The following MYO3A variants were observed in gnomAD, a reference collection of about 807,000 sequenced individuals.
MYO3A encodes myosin IIIA, also known as myosin-IIIa.
A neutral mutation model predicts 192.7 loss-of-function variants in MYO3A; 180 were observed. That is an observed-to-expected ratio of 0.93 (90% CI 0.83 to 1.06). The LOEUF is 1.06. MYO3A is among the 50% of genes least tolerant of loss of function. The pLI, the probability that MYO3A is intolerant of heterozygous loss-of-function variation, is 0.00. For synonymous variants in MYO3A, 628 were observed against 645.3 expected (o/e 0.97, Z 0.41); for missense variants, 1,896 against 1,905.0 (o/e 1.00, Z 0.09).
At chr10:26,028,408 C>G (rs1842656725) in intron 10 of MYO3A, among the ~76,000 whole-genome samples, 1 of 152,096 alleles carries the variant, frequency 6.6e-6, no homozygotes, top group Non-Finnish European at 1.5e-5. Flanking sequence ...AGAGACAGAC[C>G]TGATATACCT....
intron 14 of MYO3A, among the ~76,000 whole-genome samples, chr10:26,072,091 G>A (rs1835242081): frequency 6.6e-6 from 1 of 152,046 alleles, no homozygotes; most frequent in African/African-American, 2.4e-5. Context: ...GGAGGAACTT[G>A]CCCAACACTT....
intron 15 of MYO3A, among the ~76,000 whole-genome samples, chr10:26,093,060 C>T (rs1836792400): frequency 6.6e-6 from 1 of 152,150 alleles, no homozygotes; most frequent in African/African-American, 2.4e-5. Flanking sequence ...AGTTTTAACA[C>T]TTAACGGATA....
intron 10 of MYO3A, among the ~76,000 whole-genome samples, chr10:26,045,220 C>T (rs1257290481): frequency 6.6e-6 from 1 of 152,194 alleles, no homozygotes; most frequent in East Asian, 1.9e-4. Context: ...CTGAAGCAGA[C>T]TTGTCCATGA....
At chr10:25,949,374 T>A (rs1837060830) in intron 2 of MYO3A, among the ~76,000 whole-genome samples, 1 of 152,116 alleles carries the variant, frequency 6.6e-6, no homozygotes, top group African/African-American at 2.4e-5. Context: ...ATGTAATGAA[T>A]GTTTCTGTTG....
chr10:26,029,510 C>T (rs909750369), intron 10 of MYO3A, among the ~76,000 whole-genome samples: 1 of 152,144 alleles, frequency 6.6e-6, no homozygotes, highest in African/African-American at 2.4e-5. Flanking sequence ...CTAATTTTCT[C>T]ATAGAACTGG....
intron 14 of MYO3A, among the ~76,000 whole-genome samples, chr10:26,071,039 G>A (rs971886003): frequency 6.6e-6 from 1 of 151,610 alleles, no homozygotes; most frequent in African/African-American, 2.4e-5. Flanking sequence ...TTTTTGGTGG[G>A]AATTGACAAG....
At chr10:26,019,504 GA>G (rs1488264184) in intron 7 of MYO3A, among the ~76,000 whole-genome samples, 1 of 152,112 alleles carries the variant, frequency 6.6e-6, no homozygotes, top group Non-Finnish European at 1.5e-5. Flanking sequence ...TTTTAGTAGA[GA>G]TGGAGTTTCA....
chr10:25,960,896 A>G (rs1837889229), intron 4 of MYO3A, among the ~76,000 whole-genome samples: 1 of 152,176 alleles, frequency 6.6e-6, no homozygotes, highest in African/African-American at 2.4e-5. Flanking sequence ...AGTTTGAGAT[A>G]GGTTTGTATT....
chr10:26,065,033 C>A (rs1391590040), intron 10 of MYO3A, among the ~76,000 whole-genome samples: 2 of 151,960 alleles, frequency 1.3e-5, no homozygotes, highest in African/African-American at 4.8e-5. Flanking sequence ...ACTTGGGAGA[C>A]CCCCAAAATG....
chr10:26,208,578 A>G (rs1844081395), intron 34 of MYO3A, among the ~76,000 whole-genome samples: 1 of 152,340 alleles, frequency 6.6e-6, no homozygotes, highest in Admixed American at 6.5e-5. Context: ...GATATTTAAT[A>G]TTCTTAAAAC....
At chr10:25,943,735 A>T (rs890467562) in intron 2 of MYO3A, among the ~76,000 whole-genome samples, 1 of 149,566 alleles carries the variant, frequency 6.7e-6, no homozygotes, top group Non-Finnish European at 1.5e-5. Context: ...TGTATCCTGC[A>T]GCTTTGCTGA....
intron 33 of MYO3A, among the ~76,000 whole-genome samples, chr10:26,201,939 C>G (rs1051101996): frequency 6.6e-6 from 1 of 152,104 alleles, no homozygotes; most frequent in African/African-American, 2.4e-5. Context: ...TACCTGTATT[C>G]ATGAATTTCC....
intron 31 of MYO3A, among the ~76,000 whole-genome samples, chr10:26,178,841 A>G (rs529911939): frequency 7.3e-5 from 11 of 151,574 alleles, no homozygotes; most frequent in South Asian, 2.1e-4. Flanking sequence ...TTGCTCTGTC[A>G]CCCAGGCTGT....
intron 25 of MYO3A, among the ~76,000 whole-genome samples, chr10:26,156,629 T>C (rs984365977): frequency 2.0e-5 from 3 of 152,250 alleles, no homozygotes; most frequent in African/African-American, 7.2e-5. Flanking sequence ...TTAAACGCTA[T>C]TGACTTTTCT....
chr10:26,040,055 G>T (rs1386139816), intron 10 of MYO3A, among the ~76,000 whole-genome samples: 1 of 151,498 alleles, frequency 6.6e-6, no homozygotes, highest in South Asian at 2.1e-4. Flanking sequence ...GTATTCCATA[G>T]GTTATGGTAT....
chr10:26,087,356 A>C (rs377751699), intron 14 of MYO3A, among the ~76,000 whole-genome samples: 1 of 152,182 alleles, frequency 6.6e-6, no homozygotes, highest in Non-Finnish European at 1.5e-5. Flanking sequence ...AATGTAGTCT[A>C]TGTTCCAGAA....
At chr10:25,993,823 T>C (rs1013830044) in intron 4 of MYO3A, among the ~76,000 whole-genome samples, 1 of 152,218 alleles carries the variant, frequency 6.6e-6, no homozygotes, top group African/African-American at 2.4e-5. Context: ...TTGAGCAGTT[T>C]TGAATGAGTT....
At chr10:26,009,402 T>A (rs113589450) in intron 6 of MYO3A, among the ~76,000 whole-genome samples, 10,453 of 145,674 alleles carry the variant, frequency 0.072, 476 homozygotes, top group African/African-American at 0.15. Context: ...AATAAATTTT[T>A]TAAAAAAGGC....
At chr10:25,986,356 A>G (rs1222232190) in intron 4 of MYO3A, among the ~76,000 whole-genome samples, 1 of 152,220 alleles carries the variant, frequency 6.6e-6, no homozygotes, top group African/African-American at 2.4e-5. Context: ...TCCTTGCCAG[A>G]GCAATCAGTC....
Sources: allele counts gnomAD v4.1 joint callset (sites outside exome capture counted in the v4.1 genomes callset), GRCh38; gene constraint gnomAD v4.1.1; transcripts MANE v1.5; gene names NCBI Gene and HGNC (gene_info 2026-07-23, HGNC 2026-07-21).